The following RPH3A variants were observed in gnomAD, a reference collection of about 807,000 sequenced individuals.
RPH3A encodes rabphilin 3A.
RPH3A carries 48 observed loss-of-function variants against 102.2 expected under a neutral mutation model. The ratio of observed to expected loss-of-function variants is 0.47; its 90% CI spans 0.37 to 0.60. The LOEUF (loss-of-function observed/expected upper bound fraction) is 0.60, where lower values mean the gene tolerates loss of function less well. RPH3A is among the 20% of genes least tolerant of loss of function. The pLI, the probability that RPH3A is intolerant of heterozygous loss-of-function variation, is 0.00. For missense variants in RPH3A, 781 were observed against 910.1 expected, an observed-to-expected ratio of 0.86 and a Z score of 1.83; for synonymous variants, 310 against 324.3, an observed-to-expected ratio of 0.96 and a Z score of 0.47.
chr12:112,826,825 T>C (rs957576156), intron 2 of RPH3A, among the ~76,000 whole-genome samples: 1 of 152,234 alleles, frequency 6.6e-6, no homozygotes, highest in African/African-American at 2.4e-5. Context: ...ACAATGGCTT[T>C]ATCTGCTCTC....
At chr12:112,687,979 C>A (rs2040279225) in intron 1 of RPH3A, among the ~76,000 whole-genome samples, 1 of 152,164 alleles carries the variant, frequency 6.6e-6, no homozygotes, top group Non-Finnish European at 1.5e-5. Flanking sequence ...CCCCAAGGCC[C>A]AAAAGGACAG....
chr12:112,810,214 C>G (rs2041545939), intron 2 of RPH3A, among the ~76,000 whole-genome samples: 1 of 152,156 alleles, frequency 6.6e-6, no homozygotes, highest in Non-Finnish European at 1.5e-5. Flanking sequence ...GAATTCAGTA[C>G]TCACTTGTCC....
At chr12:112,773,025 G>A (rs549757492) in intron 1 of RPH3A, among the ~76,000 whole-genome samples, 2 of 151,954 alleles carry the variant, frequency 1.3e-5, no homozygotes, top group African/African-American at 4.8e-5. Flanking sequence ...GAGAATAATA[G>A]TCTCCAATCT....
At chr12:112,738,590 G>T (rs2136053152) in intron 1 of RPH3A, among the ~76,000 whole-genome samples, 1 of 152,284 alleles carries the variant, frequency 6.6e-6, no homozygotes, top group South Asian at 2.1e-4. Flanking sequence ...ACCACTGCAT[G>T]GGTGTAGAAG....
chr12:112,580,496 C>T (rs1406667137), intron 1 of RPH3A, among the ~76,000 whole-genome samples: 2 of 149,978 alleles, frequency 1.3e-5, no homozygotes, highest in African/African-American at 2.4e-5. Context: ...CTCCGCCTCC[C>T]GAGTTCGCGC....
At chr12:112,723,785 A>G (rs1458598699) in intron 1 of RPH3A, among the ~76,000 whole-genome samples, 2 of 152,228 alleles carry the variant, frequency 1.3e-5, no homozygotes, top group Non-Finnish European at 2.9e-5. Flanking sequence ...TAGCAATAGA[A>G]GGTGGCTACA....
At chr12:112,620,733 C>T (rs938590019) in intron 1 of RPH3A, among the ~76,000 whole-genome samples, 6 of 152,180 alleles carry the variant, frequency 3.9e-5, no homozygotes, top group Non-Finnish European at 7.3e-5. Flanking sequence ...CTGCTCCTTC[C>T]GTGGTCTTGC....
At chr12:112,861,316 C>T (rs376051022) in intron 5 of RPH3A, among the ~76,000 whole-genome samples, 146 of 152,352 alleles carry the variant, frequency 9.6e-4, no homozygotes, top group African/African-American at 3.2e-3. Flanking sequence ...TGGGGAAACA[C>T]AGTGATGGAG....
At chr12:112,618,239 C>G (rs958571759) in intron 1 of RPH3A, among the ~76,000 whole-genome samples, 1 of 152,212 alleles carries the variant, frequency 6.6e-6, no homozygotes, top group Non-Finnish European at 1.5e-5. Context: ...AAGTCACCCC[C>G]TGCCCTTGGC....
chr12:112,579,532 A>G (rs985417928), intron 1 of RPH3A, among the ~76,000 whole-genome samples: 9 of 152,170 alleles, frequency 5.9e-5, no homozygotes, highest in African/African-American at 2.2e-4. Flanking sequence ...TTAAAAAAAA[A>G]TTCTGGTAAA....
At chr12:112,662,614 G>A (rs2040056223) in intron 1 of RPH3A, among the ~76,000 whole-genome samples, 1 of 152,112 alleles carries the variant, frequency 6.6e-6, no homozygotes, top group Admixed American at 6.5e-5. Flanking sequence ...CAAACTATAT[G>A]GTTTCTCTCT....
chr12:112,753,608 G>C (rs2040800600), intron 1 of RPH3A, among the ~76,000 whole-genome samples: 1 of 152,132 alleles, frequency 6.6e-6, no homozygotes, highest in Non-Finnish European at 1.5e-5. Context: ...CTGATCTGCA[G>C]AGAAGTATGC....
chr12:112,817,428 G>A (rs1252140599), intron 2 of RPH3A, among the ~76,000 whole-genome samples: 2 of 151,954 alleles, frequency 1.3e-5, no homozygotes, highest in African/African-American at 2.4e-5. Flanking sequence ...CAGCCCAAAT[G>A]TTCCCTTCTC....
intron 1 of RPH3A, among the ~76,000 whole-genome samples, chr12:112,582,110 G>A (rs1237137102): frequency 2.0e-5 from 3 of 147,286 alleles, no homozygotes; most frequent in Non-Finnish European, 4.5e-5. Flanking sequence ...AACACTTTGG[G>A]GCAATTTTCT....
intron 1 of RPH3A, among the ~76,000 whole-genome samples, chr12:112,703,366 G>A (rs1592952623): frequency 6.6e-6 from 1 of 152,174 alleles, no homozygotes; most frequent in African/African-American, 2.4e-5. Context: ...TTCCAGCTGA[G>A]CATTGTAAAA....
intron 1 of RPH3A, among the ~76,000 whole-genome samples, chr12:112,595,594 C>A (rs1210477405): frequency 6.6e-6 from 1 of 152,052 alleles, no homozygotes; most frequent in Non-Finnish European, 1.5e-5. Flanking sequence ...GTTCACCCAC[C>A]CACGCAGGAC....
Position 112,860,289 on chromosome 12 carries a change from C to G in RPH3A, c.231-5125C>G, listed in dbSNP as rs569346675. On this transcript the variant is annotated intron_variant, in intron 5 of 21. Transcript: ENST00000389385. ...AAGGAAGATCTGCGTGTCCCCACCT[C>G]ACACGCATCCTCTTTATTGGTCTGT... Among the ~76,000 whole-genome samples the G allele has an allele frequency of 2.6e-5, 4 of 152,334 alleles. No homozygotes were observed. In the South Asian group the frequency reaches 8.3e-4, roughly 32 times the overall value.
At chr12:112,750,947 G>T (rs1222686601) in intron 1 of RPH3A, among the ~76,000 whole-genome samples, 3 of 152,096 alleles carry the variant, frequency 2.0e-5, no homozygotes, top group African/African-American at 4.8e-5. Flanking sequence ...CTTGGGAGTT[G>T]TCGGGGACCA....
intron 1 of RPH3A, among the ~76,000 whole-genome samples, chr12:112,734,315 A>T (rs2040653726): frequency 6.6e-6 from 1 of 152,222 alleles, no homozygotes; most frequent in African/African-American, 2.4e-5. Context: ...CCTATAACCT[A>T]AGTGTGTAGT....
Sources: allele counts gnomAD v4.1 joint callset (sites outside exome capture counted in the v4.1 genomes callset), GRCh38; gene constraint gnomAD v4.1.1; transcripts MANE v1.5; gene names NCBI Gene and HGNC (gene_info 2026-07-23, HGNC 2026-07-21).